CNTNAP5: variants seen among roughly 807,000 people sequenced by gnomAD.
CNTNAP5 encodes contactin associated protein family member 5.
In CNTNAP5, 72 loss-of-function variants were observed where a neutral mutation model predicts 150.2. The observed-to-expected ratio is 0.48, with a 90% CI of 0.40 to 0.58. The LOEUF is 0.58. Ranked by LOEUF, CNTNAP5 falls within the 20% of genes least tolerant of loss-of-function variation. The probability of loss-of-function intolerance (pLI) is 0.00; values close to 1 mark genes in which losing one functional copy is unlikely to be tolerated. For synonymous variants in CNTNAP5, 672 were observed against 619.8 expected, an observed-to-expected ratio of 1.08 and a Z score of -1.25; for missense variants, 1,636 against 1,626.2, an observed-to-expected ratio of 1.01 and a Z score of -0.10.
intron 8 of CNTNAP5, among the ~76,000 whole-genome samples, chr2:124,519,485 C>T (rs887705279): frequency 2.0e-5 from 3 of 152,238 alleles, no homozygotes; most frequent in Non-Finnish European, 4.4e-5. Context: ...GAGTTGCCAG[C>T]ATGATGAGCA....
intron 1 of CNTNAP5, among the ~76,000 whole-genome samples, chr2:124,040,621 C>CTGTGTGTGTGTGTGTGTG (rs58364625): frequency 6.6e-4 from 96 of 145,148 alleles, no homozygotes; most frequent in African/African-American, 2.2e-3. Context: ...CTGTATGCCT[C>CTGTGTGTGTGTGTGTGTG]TGTGTGTGTG....
At chr2:124,273,947 A>G (rs2104615758) in intron 3 of CNTNAP5, among the ~76,000 whole-genome samples, 1 of 152,284 alleles carries the variant, frequency 6.6e-6, no homozygotes, top group South Asian at 2.1e-4. Flanking sequence ...GTGAGTCCAC[A>G]TTTGTAGGCT....
At chr2:124,226,191 G>A (rs552082779) in intron 2 of CNTNAP5, among the ~76,000 whole-genome samples, 4 of 150,442 alleles carry the variant, frequency 2.7e-5, no homozygotes, top group South Asian at 2.1e-4. Context: ...CCTCCATACC[G>A]TTTCTTATAA....
chr2:124,749,391 CTTCCTTCCTTCT>C (rs1378800770), intron 14 of CNTNAP5, among the ~76,000 whole-genome samples: 33 of 150,046 alleles, frequency 2.2e-4, no homozygotes, highest in African/African-American at 5.1e-4. Context: ...TCCTTCCTTC[CTTCCTTCCTTCT>C]TTCCTTCCTT....
At chr2:124,163,813 C>A (rs911444088) in intron 1 of CNTNAP5, among the ~76,000 whole-genome samples, 1 of 151,756 alleles carries the variant, frequency 6.6e-6, no homozygotes, top group Non-Finnish European at 1.5e-5. Context: ...CCATGAAGAA[C>A]AAATCTTCTC....
intron 19 of CNTNAP5, among the ~76,000 whole-genome samples, chr2:124,837,608 T>A (rs2104688578): frequency 6.6e-6 from 1 of 152,276 alleles, no homozygotes; most frequent in East Asian, 1.9e-4. Flanking sequence ...ATTTTTTGCT[T>A]GAGCACAGAA....
intron 13 of CNTNAP5, among the ~76,000 whole-genome samples, chr2:124,662,338 A>T (rs1678610054): frequency 6.6e-6 from 1 of 152,194 alleles, no homozygotes; most frequent in Non-Finnish European, 1.5e-5. Context: ...CTTTGGGTAT[A>T]TACCCAATAA....
intron 3 of CNTNAP5, among the ~76,000 whole-genome samples, chr2:124,278,567 C>G (rs1026569238): frequency 1.3e-5 from 2 of 152,102 alleles, no homozygotes; most frequent in Non-Finnish European, 2.9e-5. Flanking sequence ...AGCAAACAAG[C>G]CTCATGTGGA....
At chr2:124,703,244 C>G (rs1429778136) in intron 13 of CNTNAP5, among the ~76,000 whole-genome samples, 3 of 151,112 alleles carry the variant, frequency 2.0e-5, no homozygotes, top group African/African-American at 7.3e-5. Flanking sequence ...TCCTCCCTTT[C>G]TTTCTTCTTC....
Position 124,890,418 on chromosome 2 carries a change from T to C in CNTNAP5, c.3437-12464T>C, listed in dbSNP as rs929699870. On this transcript the variant is annotated intron_variant, in intron 21 of 23. Transcript: ENST00000682447. ...TCTTCACTGGCTCCTGGAGTTTTCC[T>C]AGTGAGTTTAAGCTCTCGTTGTCCA... Among the ~76,000 whole-genome samples the C allele has an allele frequency of 2.6e-5, 4 of 152,254 alleles. 1 individual carries two copies. The highest frequency in any genetic ancestry group is 2.6e-4 in the Admixed American group (4 of 15,296).
chr2:124,408,063 T>A (rs1276246210), intron 3 of CNTNAP5, among the ~76,000 whole-genome samples: 1 of 152,174 alleles, frequency 6.6e-6, no homozygotes, highest in Non-Finnish European at 1.5e-5. Flanking sequence ...AGGCATTGCC[T>A]CACTTGGGAA....
chr2:124,330,411 G>A (rs1457486237), intron 3 of CNTNAP5, among the ~76,000 whole-genome samples: 5 of 152,118 alleles, frequency 3.3e-5, no homozygotes, highest in Non-Finnish European at 7.4e-5. Context: ...ATCTTGAATT[G>A]TAATCCCCAT....
rs191193577 is a variant in CNTNAP5, at chr2:124,897,093, C to T, written c.3437-5789C>T. On this transcript the variant is annotated intron_variant, in intron 21 of 23. Transcript: ENST00000682447. The stretch of plus-strand genomic sequence containing the variant: ...TCAGTGTTTCTCAAAATGTGTTCCA[C>T]GAACCATCTATATCATAATTACCTG... Among the ~76,000 whole-genome samples the T allele has an allele frequency of 1.5e-4, 23 of 151,560 alleles. 2 individuals carry two copies. The highest frequency in any genetic ancestry group is 3.9e-4 in the Admixed American group (6 of 15,256).
intron 13 of CNTNAP5, among the ~76,000 whole-genome samples, chr2:124,675,746 C>T (rs550409763): frequency 3.3e-5 from 5 of 151,972 alleles, no homozygotes; most frequent in South Asian, 2.1e-4. Context: ...TCTTATTTGT[C>T]GAGATATTGT....
intron 3 of CNTNAP5, among the ~76,000 whole-genome samples, chr2:124,408,855 C>T (rs1192918838): frequency 2.0e-5 from 3 of 152,194 alleles, no homozygotes; most frequent in Admixed American, 6.5e-5. Flanking sequence ...GAATGCAGTT[C>T]CTCACCAGCA....
rs976722025 is a variant in CNTNAP5, at chr2:124,832,503, C to T, written c.3218-32803C>T. Among the ~76,000 whole-genome samples, 6 of 152,184 alleles carry T rather than the reference C, an allele frequency of 3.9e-5. No individual in the cohort carries two copies. In the South Asian group the frequency reaches 6.2e-4, roughly 16 times the overall value. Reference sequence around the variant, plus strand: ...TAAATTATTTCCAACAAAATTGGAACCTTTTTCCATGACTAAACTTTATTT... The same window carrying T: ...TAAATTATTTCCAACAAAATTGGAATCTTTTTCCATGACTAAACTTTATTT... On this transcript the variant is annotated intron_variant, in intron 19 of 23. Coordinates refer to ENST00000682447, the MANE Select transcript of CNTNAP5 (RefSeq NM_001367498.1).
chr2:124,837,180 CA>C (rs11349290), intron 19 of CNTNAP5, among the ~76,000 whole-genome samples: 9,851 of 131,664 alleles, frequency 0.075, 777 homozygotes, highest in African/African-American at 0.21. Flanking sequence ...GTATGACTAT[CA>C]AAAAAAAAAA....
At chr2:124,170,741 G>A (rs1420823209) in intron 1 of CNTNAP5, among the ~76,000 whole-genome samples, 1 of 152,020 alleles carries the variant, frequency 6.6e-6, no homozygotes, top group Non-Finnish European at 1.5e-5. Flanking sequence ...GGTAACTGTG[G>A]GTAGTAGAAA....
chr2:124,730,793 G>A (rs976718068), intron 13 of CNTNAP5, among the ~76,000 whole-genome samples: 4 of 151,952 alleles, frequency 2.6e-5, no homozygotes, highest in African/African-American at 7.3e-5. Flanking sequence ...AATCCTCAAA[G>A]GCAAGAAATC....
Sources: gnomAD v4.1 joint callset for allele counts (sites outside exome capture counted in the v4.1 genomes callset) on GRCh38, gnomAD v4.1.1 for gene constraint, MANE v1.5 for transcripts, NCBI Gene and HGNC (gene_info 2026-07-23, HGNC 2026-07-21) for gene names.